Variants in CRISPLD2 observed in about 807,000 individuals in gnomAD.
CRISPLD2 encodes the protein cysteine-rich secretory protein LCCL domain-containing 2.
Under a neutral mutation model 71.1 loss-of-function variants are expected in CRISPLD2, and 47 were observed. That is an observed-to-expected ratio of 0.66 (90% CI 0.52 to 0.84). CRISPLD2 has a LOEUF of 0.84. CRISPLD2 is among the 40% of genes least tolerant of loss of function. CRISPLD2 has a pLI of 0.00. For synonymous variants in CRISPLD2, 317 were observed against 250.1 expected (o/e 1.27, Z -2.52); for missense variants, 830 against 651.1 (o/e 1.27, Z -2.99).
chr16:84,883,653 A>G (rs534253970), intron 13 of CRISPLD2, among the ~76,000 whole-genome samples: 1 of 152,146 alleles, frequency 6.6e-6, no homozygotes, highest in Non-Finnish European at 1.5e-5. Context: ...CTGCATTCCA[A>G]CAAGTTCCCA....
intron 13 of CRISPLD2, among the ~76,000 whole-genome samples, chr16:84,884,790 T>C (rs925146184): frequency 2.6e-5 from 4 of 152,198 alleles, no homozygotes; most frequent in Non-Finnish European, 5.9e-5. Flanking sequence ...TTTGTGTCAC[T>C]TTTGTGTCCA....
At chr16:84,828,810 T>G (rs1242224718) in intron 1 of CRISPLD2, among the ~76,000 whole-genome samples, 1 of 152,172 alleles carries the variant, frequency 6.6e-6, no homozygotes, top group African/African-American at 2.4e-5. Flanking sequence ...TGTCCAGAAT[T>G]TTGTATATGC....
intron 14 of CRISPLD2, among the ~76,000 whole-genome samples, chr16:84,903,276 C>T (rs575778997): frequency 3.3e-5 from 5 of 152,094 alleles, no homozygotes; most frequent in South Asian, 2.1e-4. Flanking sequence ...CCCCCAACAT[C>T]GGCACTGTCA....
At chr16:84,851,303 G>T (rs140660976) in intron 5 of CRISPLD2, among the ~76,000 whole-genome samples, 1 of 152,240 alleles carries the variant, frequency 6.6e-6, no homozygotes, top group Non-Finnish European at 1.5e-5. Context: ...AGCATGCTCA[G>T]CTCATCAGTG....
intron 13 of CRISPLD2, among the ~76,000 whole-genome samples, chr16:84,887,018 ACTT>A (rs1210200648): frequency 6.6e-6 from 1 of 152,048 alleles, no homozygotes; most frequent in African/African-American, 2.4e-5. Context: ...CAGGAATTTG[ACTT>A]CTTTGGATGC....
At chr16:84,897,035 G>A (rs1248114975) in intron 14 of CRISPLD2, among the ~76,000 whole-genome samples, 2 of 152,196 alleles carry the variant, frequency 1.3e-5, no homozygotes, top group Non-Finnish European at 2.9e-5. Context: ...GCAATTGAGG[G>A]GGATGCAGCC....
intron 8 of CRISPLD2, among the ~76,000 whole-genome samples, chr16:84,870,980 C>A (rs35336346): frequency 0.17 from 25,193 of 152,008 alleles, 2,412 homozygotes; most frequent in Admixed American, 0.25. Flanking sequence ...ATCGCTTGAA[C>A]CTGGGAGGTG....
At chr16:84,894,704 A>G (rs1365440855) in intron 14 of CRISPLD2, among the ~76,000 whole-genome samples, 1 of 152,222 alleles carries the variant, frequency 6.6e-6, no homozygotes, top group Non-Finnish European at 1.5e-5. Context: ...TCAGTATGTA[A>G]TCAATAGAAA....
intron 1 of CRISPLD2, among the ~76,000 whole-genome samples, chr16:84,821,107 G>A (rs1466357175): frequency 6.6e-6 from 1 of 152,244 alleles, no homozygotes; most frequent in Admixed American, 6.5e-5. Flanking sequence ...CCTTGCAACC[G>A]AGAGTGGGGT....
intron 5 of CRISPLD2, among the ~76,000 whole-genome samples, chr16:84,853,250 G>T (rs145760764): frequency 6.6e-6 from 1 of 152,256 alleles, no homozygotes; most frequent in Non-Finnish European, 1.5e-5. Context: ...ACAGGGCCAC[G>T]ATCATCTGAG....
At chr16:84,833,602 C>T (rs564113646) in intron 1 of CRISPLD2, among the ~76,000 whole-genome samples, 2 of 152,268 alleles carry the variant, frequency 1.3e-5, no homozygotes, top group Non-Finnish European at 2.9e-5. Flanking sequence ...GCCACCAAAG[C>T]GTGAGCTCTT....
chr16:84,876,264 C>G (rs1908969), intron 11 of CRISPLD2, among the ~76,000 whole-genome samples: 8,063 of 152,208 alleles, frequency 0.053, 733 homozygotes, highest in African/African-American at 0.19. Context: ...CACTTTGAGA[C>G]GTCCAGGCAG....
Position 84,838,569 on chromosome 16 carries a change from T to A in CRISPLD2, c.74T>A (p.Leu25Gln). ...GTCTGCGGATCCCAAGGCTACCTCCTGCCCAACGTCACTCTCTTAGAGGAG... is the reference window on the plus strand; with the variant it reads ...GTCTGCGGATCCCAAGGCTACCTCCAGCCCAACGTCACTCTCTTAGAGGAG... ...FLVCGSQGYL[L>Q]PNVTLLEELL... Residue 25 changes from leucine to glutamine, a missense_variant, in exon 2 of 15, where the codon CTG becomes CAG. Transcript: ENST00000262424. 1 of 1,614,210 alleles carries A rather than the reference T, an allele frequency of 6.2e-7. No individual in the cohort carries two copies. The highest frequency in any genetic ancestry group is 8.5e-7 in the Non-Finnish European group (1 of 1,180,032).
intron 8 of CRISPLD2, among the ~76,000 whole-genome samples, chr16:84,870,592 C>G (rs2071459907): frequency 6.6e-6 from 1 of 151,754 alleles, no homozygotes; most frequent in African/African-American, 2.4e-5. Context: ...GTTGGGATTA[C>G]AGGCGTGAGC....
At chr16:84,904,048 G>A (rs561236161) in intron 14 of CRISPLD2, among the ~76,000 whole-genome samples, 1 of 152,182 alleles carries the variant, frequency 6.6e-6, no homozygotes, top group Non-Finnish European at 1.5e-5. Context: ...GACACAGGAA[G>A]GCCAGTTGGT....
chr16:84,851,795 G>A (rs1359683786), intron 5 of CRISPLD2, among the ~76,000 whole-genome samples: 1 of 152,242 alleles, frequency 6.6e-6, no homozygotes, highest in South Asian at 2.1e-4. Flanking sequence ...ACACTAGAAG[G>A]TCCTATCAGA....
intron 11 of CRISPLD2, among the ~76,000 whole-genome samples, chr16:84,875,813 G>C (rs965622881): frequency 6.7e-6 from 1 of 149,104 alleles, no homozygotes; most frequent in Admixed American, 6.8e-5. Flanking sequence ...TGATCCACCC[G>C]CCTGGGCCTC....
At chr16:84,884,372 C>T (rs34436844) in intron 13 of CRISPLD2, among the ~76,000 whole-genome samples, 33,202 of 152,026 alleles carry the variant, frequency 0.22, 3,736 homozygotes, top group Admixed American at 0.27. Context: ...TGTCAATGCA[C>T]GTGAAATGCA....
rs538890328 is a variant in CRISPLD2 at position 84,865,308 on chromosome 16, A to G, written c.710-1589A>G. ...GTAGCTGGGACTACAGGCACCCGCC[A>G]TCATGCCCAGCTAATTTTTGTATTT... On this transcript the variant is annotated intron_variant, in intron 6 of 14. Coordinates refer to ENST00000262424, the MANE Select transcript of CRISPLD2 (RefSeq NM_031476.4). Among the ~76,000 whole-genome samples, 776 of 152,256 alleles carry G rather than the reference A, an allele frequency of 5.1e-3. 4 individuals carry two copies. Among genetic ancestry groups the G allele is most frequent in the African/African-American group, 0.017 (713 of 41,558 alleles).
Sources: gnomAD v4.1 joint callset for allele counts (sites outside exome capture counted in the v4.1 genomes callset) on GRCh38, gnomAD v4.1.1 for gene constraint, MANE v1.5 for transcripts, NCBI Gene and HGNC (gene_info 2026-07-23, HGNC 2026-07-21) for gene names.